Variants in TPST2 observed in about 807,000 individuals in gnomAD.
The protein encoded by TPST2 is tyrosylprotein sulfotransferase 2, also known as protein-tyrosine sulfotransferase 2.
A neutral mutation model predicts 27.8 loss-of-function variants in TPST2; 16 were observed. The observed-to-expected ratio is 0.58, with a 90% CI of 0.39 to 0.88. The LOEUF is 0.88. Ranked by LOEUF, TPST2 falls within the 40% of genes least tolerant of loss-of-function variation. The pLI, the probability that TPST2 is intolerant of heterozygous loss-of-function variation, is 0.00. For synonymous variants in TPST2, 229 were observed against 231.7 expected (o/e 0.99, Z 0.10); for missense variants, 464 against 543.1 (o/e 0.85, Z 1.45).
At chr22:26,528,114 C>T (rs1483819674) in intron 6 of TPST2, 100 bp downstream of exon 6, 2 of 1,411,994 alleles carry the variant, frequency 1.4e-6, no homozygotes, top group East Asian at 2.5e-5. Context: ...CATGTCTACC[C>T]CAGGGAGGCT....
At chr22:26,526,621 T>C (rs1280852978) in intron 6 of TPST2, among the ~76,000 whole-genome samples, 1 of 152,234 alleles carries the variant, frequency 6.6e-6, no homozygotes, top group Non-Finnish European at 1.5e-5. Flanking sequence ...CACCTCTATA[T>C]GGTATCTCAT....
intron 5 of TPST2, among the ~76,000 whole-genome samples, chr22:26,530,270 T>C (rs1382499359): frequency 6.6e-6 from 1 of 152,248 alleles, no homozygotes; most frequent in East Asian, 1.9e-4. Flanking sequence ...CACCTGAATA[T>C]GCATTTTTAC....
intron 1 of TPST2, chr22:26,560,942 T>A: frequency 6.2e-7 from 1 of 1,609,794 alleles, no homozygotes. Flanking sequence ...CTGCCGCAGA[T>A]GACAAGCAGC....
At chr22:26,549,656 CAAAAAAAAA>C (rs71192939) in intron 1 of TPST2, among the ~76,000 whole-genome samples, 1 of 58,654 alleles carries the variant, frequency 1.7e-5, no homozygotes, top group African/African-American at 8.1e-5. Context: ...GACTCCGTCT[CAAAAAAAAA>C]AAAAAAAAAA....
rs1925147868 is a variant in TPST2 at position 26,531,289 on chromosome 22, T to G, written c.1092+1406A>C. On this transcript the variant is annotated intron_variant, in intron 5 of 6. Transcript: ENST00000338754. The stretch of plus-strand genomic sequence containing the variant: ...TGGAAATGGTCTTGAAGAAGCTGTT[T>G]AGTAAATGGTAGCACATGCATTCCA... Among the ~76,000 whole-genome samples, 2 of 152,182 alleles carry G rather than the reference T, an allele frequency of 1.3e-5. 1 individual carries two copies. Among genetic ancestry groups the G allele is most frequent in the South Asian group, 4.1e-4 (2 of 4,832 alleles).
At chr22:26,585,967 C>T (rs1169382305) in intron 1 of TPST2, among the ~76,000 whole-genome samples, 1 of 152,024 alleles carries the variant, frequency 6.6e-6, no homozygotes, top group African/African-American at 2.4e-5. Context: ...GGCGTGAACC[C>T]GGGAGGTAGA....
chr22:26,555,322 C>T (rs1381685680), intron 1 of TPST2: 6 of 511,448 alleles, frequency 1.2e-5, no homozygotes, highest in Non-Finnish European at 2.3e-5. Context: ...CACTGGCTGC[C>T]CACCTGGGCC....
chr22:26,570,165 G>A (rs963753965), intron 1 of TPST2, among the ~76,000 whole-genome samples: 9 of 152,010 alleles, frequency 5.9e-5, no homozygotes, highest in African/African-American at 1.2e-4. Flanking sequence ...TATGCTACCC[G>A]CCCCACTCCA....
At chr22:26,550,299 C>T (rs1926399177) in intron 1 of TPST2, among the ~76,000 whole-genome samples, 1 of 152,006 alleles carries the variant, frequency 6.6e-6, no homozygotes, top group African/African-American at 2.4e-5. Flanking sequence ...CAGTGGGGAG[C>T]CAAGAAACCA....
rs766067242 is a variant in TPST2, at chr22:26,528,251, G to C, written c.1104C>G (p.Asn368Lys). ...AGCTTCCTAAGTGGGAGGAGGTGCT[G>C]TTCTGGTTCACCTGGAGAAAGACAA... ...NLKGYFQVNQ[N>K]STSSHLGSS is the part of the protein sequence containing the mutation. Residue 368 changes from asparagine (N) to lysine (K), a missense_variant, in exon 6 of 7, where the codon AAC becomes AAG. Transcript: ENST00000338754. 6.4e-7 allele frequency: 1 copy of C among 1,563,680 alleles called. No homozygotes were observed. The highest frequency in any genetic ancestry group is 1.2e-5 in the South Asian group (1 of 85,132).
At position 26,541,753 on chromosome 22, in the gene TPST2, G is replaced by A; in HGVS notation, c.-88-35C>T. Reference sequence around the variant, plus strand: ...GAGGGGGACATGCATAGTCAGGGAGGTCTGTGAGCTGTGAGCTCTCCAATA... The same window carrying A: ...GAGGGGGACATGCATAGTCAGGGAGATCTGTGAGCTGTGAGCTCTCCAATA... On this transcript the variant is annotated intron_variant, in intron 2 of 6. Transcript: ENST00000338754. The surrounding 1 kb of genome is among the most constrained non-coding windows in gnomAD (Gnocchi z 5.9). The A allele has an allele frequency of 4.2e-6, 6 of 1,435,336 alleles. No individual in the cohort carries two copies. Among genetic ancestry groups the A allele is most frequent in the Non-Finnish European group, 5.5e-6 (6 of 1,099,766 alleles). 88.9% of individuals were successfully genotyped at this position (1,435,336 alleles called of 1,614,324 possible).
intron 1 of TPST2, among the ~76,000 whole-genome samples, chr22:26,572,612 G>C (rs1927672781): frequency 6.6e-6 from 1 of 152,034 alleles, no homozygotes; most frequent in Admixed American, 6.6e-5. Flanking sequence ...TCTTCAGGAA[G>C]CCTTCCCTGA....
intron 1 of TPST2, chr22:26,561,153 G>A (rs1404748776): frequency 1.4e-5 from 22 of 1,604,394 alleles, no homozygotes; most frequent in Admixed American, 1.7e-5. Context: ...TGAAGAAGAT[G>A]ATGAATAAGT....
chr22:26,576,251 C>T (rs1002870071), intron 1 of TPST2, among the ~76,000 whole-genome samples: 10 of 152,156 alleles, frequency 6.6e-5, no homozygotes, highest in African/African-American at 9.6e-5. Flanking sequence ...CCACTGACAA[C>T]GATGGAGCTG....
chr22:26,542,805 C>T (rs552623289), intron 2 of TPST2, among the ~76,000 whole-genome samples: 3 of 152,268 alleles, frequency 2.0e-5, no homozygotes, highest in East Asian at 1.9e-4. Context: ...ACTTAGTGAA[C>T]GGAGGGTTTG....
Position 26,523,092 on chromosome 22 carries a change from G to A in TPST2, c.*3183C>T, listed in dbSNP as rs1220275749. 6.6e-6 allele frequency: 1 copy of A among 151,266 alleles called. No individual in the cohort carries two copies. Among genetic ancestry groups the A allele is most frequent in the Non-Finnish European group, 1.5e-5 (1 of 67,970 alleles). The allele number at this position is 151,266 out of a possible 1,614,324, so 9.4% of individuals were successfully genotyped here. On this transcript the variant is annotated 3_prime_UTR_variant, in exon 7 of 7. Transcript: ENST00000338754. ...GTGAGCTGTGTTTGCAGGAGTTAGA[G>A]GTTGCAGTGAGCTGTGTTTGCAGGA...
chr22:26,541,223 G>C lies in TPST2; in HGVS notation c.408C>G (p.Ala136=), dbSNP rs374214474. Residue 136 remains alanine, a synonymous_variant, in exon 3 of 7, where the codon GCC becomes GCG. Coordinates refer to ENST00000338754, the MANE Select transcript of TPST2 (RefSeq NM_003595.5). The surrounding 1 kb of genome is among the most constrained non-coding windows in gnomAD (Gnocchi z 5.9). ...AGVTDEVLDA[A]MQAFILEVIA... ...TCACCTCCAGGATGAAGGCCTGCAT[G>C]GCGGCGTCCAGCACCTCATCCGTCA... 93 of 1,562,860 alleles carry C rather than the reference G, an allele frequency of 6.0e-5. No homozygotes were observed. Among genetic ancestry groups the C allele is most frequent in the Non-Finnish European group, 7.4e-5 (85 of 1,152,200 alleles).
At chr22:26,581,010 CAACA>C (rs1928079927) in intron 1 of TPST2, among the ~76,000 whole-genome samples, 1 of 135,668 alleles carries the variant, frequency 7.4e-6, no homozygotes, top group Non-Finnish European at 1.5e-5. Context: ...CCCCAACCCT[CAACA>C]TACATACACA....
intron 4 of TPST2, 39 bp downstream of exon 4, chr22:26,536,249 C>A: frequency 6.2e-7 from 1 of 1,611,190 alleles, no homozygotes; most frequent in Non-Finnish European, 8.5e-7. Context: ...GCCCCATATC[C>A]CCAAGAGTAC....
Sources: allele counts gnomAD v4.1 joint callset (sites outside exome capture counted in the v4.1 genomes callset), GRCh38; gene constraint gnomAD v4.1.1; non-coding constraint Gnocchi (gnomAD v3.1); transcripts MANE v1.5; gene names NCBI Gene and HGNC (gene_info 2026-07-23, HGNC 2026-07-21).